DOCK6: variants seen among roughly 807,000 people sequenced by gnomAD.
DOCK6 encodes dedicator of cytokinesis 6, also known as dedicator of cytokinesis protein 6.
A neutral mutation model predicts 230.3 loss-of-function variants in DOCK6; 167 were observed. That is an observed-to-expected ratio of 0.73 (90% CI 0.64 to 0.82). The LOEUF is 0.82. Among genes scored for constraint, DOCK6 ranks in the 40% least tolerant of loss-of-function variants. The pLI, the probability that DOCK6 is intolerant of heterozygous loss-of-function variation, is 0.00. For missense variants in DOCK6, 2,598 were observed against 2,825.8 expected (o/e 0.92, Z 1.83); for synonymous variants, 1,148 against 1,185.0 (o/e 0.97, Z 0.64).
At chr19:11,207,178 C>T (rs529606613) in intron 39 of DOCK6, among the ~76,000 whole-genome samples, 7 of 152,030 alleles carry the variant, frequency 4.6e-5, no homozygotes, top group South Asian at 4.2e-4. Flanking sequence ...AAGATGCATG[C>T]GAATATCCCA....
At chr19:11,258,207 A>C (rs2080226956) in intron 1 of DOCK6, among the ~76,000 whole-genome samples, 1 of 152,170 alleles carries the variant, frequency 6.6e-6, no homozygotes, top group South Asian at 2.1e-4. Flanking sequence ...AGCCTTCCTG[A>C]CATGATGCTG....
rs1356355225 is a variant in DOCK6 at position 11,236,460 on chromosome 19, T to G, written c.2278A>C (p.Ser760Arg). The G allele has an allele frequency of 6.3e-7, 1 of 1,593,798 alleles. No homozygotes were observed. The highest frequency in any genetic ancestry group is 8.5e-7 in the Non-Finnish European group (1 of 1,171,024). ...CTGGCCAGGCGCAGTGCTGCAAGAC[T>G]GGCCCGCAGCTCCTGCTCCACGTTG... ...EGNVEQELRA[S>R]LAALRLASPE... is the part of the protein sequence containing the mutation. Residue 760 changes from serine (S) to arginine (R), a missense_variant, in exon 20 of 48, where the codon AGT becomes CGT. Coordinates refer to ENST00000294618, the MANE Select transcript of DOCK6 (RefSeq NM_020812.4). This position sits in a 1 kb window ranked among gnomAD's most constrained non-coding sequence, Gnocchi z 5.2.
chr19:11,213,316 G>C lies in DOCK6; in HGVS notation c.4351C>G (p.Leu1451Val). The C allele has an allele frequency of 6.2e-7, 1 of 1,611,408 alleles. No homozygotes were observed. Residue 1451 changes from leucine to valine, a missense_variant, in exon 35 of 48, where the codon CTG becomes GTG. Transcript: ENST00000294618. ...CACAGCTCCGTGTCCTCCTCGAACAGCAGCTCCGGGAACTGCCCCCAAGGA... is the reference window on the plus strand; with the variant it reads ...CACAGCTCCGTGTCCTCCTCGAACACCAGCTCCGGGAACTGCCCCCAAGGA... ...RALVSKFPEL[L>V]FEEDTELCAD...
intron 6 of DOCK6, among the ~76,000 whole-genome samples, chr19:11,249,267 C>T (rs1219519335): frequency 1.3e-5 from 2 of 152,114 alleles, no homozygotes; most frequent in Admixed American, 1.3e-4. Flanking sequence ...AATACCAGCA[C>T]TCTGGGAGGC....
intron 39 of DOCK6, among the ~76,000 whole-genome samples, chr19:11,205,533 C>T (rs774813962): frequency 3.3e-5 from 5 of 151,964 alleles, no homozygotes; most frequent in Admixed American, 6.6e-5. Context: ...TTAGTAGAGA[C>T]GGGGTTTCAC....
In DOCK6 at chr19:11,237,495, C is replaced by A; in HGVS notation, c.2034G>T (p.Val678=). 1 of 1,613,418 alleles carries A rather than the reference C, an allele frequency of 6.2e-7. No homozygotes were observed. Residue 678 remains valine (V), a synonymous_variant, in exon 18 of 48, where the codon GTG becomes GTT. Coordinates refer to ENST00000294618, the MANE Select transcript of DOCK6 (RefSeq NM_020812.4). The part of the protein sequence containing the change: ...RTGPFCLPVS[V]DQPPPSYSVL... ...CGGAATAGCTGGGCGGCGGCTGGTC[C>A]ACAGACACTGGGAGACAGAAGGGGC...
Position 11,245,696 on chromosome 19 carries a change from T to G in DOCK6, c.890A>C (p.Tyr297Ser). ...CATGGAGTCCGAGTTCAGGTCGAAG[T>G]AGAAGTTCTCCGAGATCTGGGGACA... ...REKKKISENFYFDLNSDSMKG... is the reference protein window; with the variant it reads ...REKKKISENFSFDLNSDSMKG... Residue 297 changes from tyrosine (Y) to serine (S), a missense_variant, in exon 9 of 48, where the codon TAC becomes TCC. Tyr to Ser is a moderately radical substitution (Grantham distance 144). Coordinates refer to ENST00000294618, the MANE Select transcript of DOCK6 (RefSeq NM_020812.4). 6.2e-7 allele frequency: 1 copy of G among 1,604,886 alleles called. No individual in the cohort carries two copies. Among genetic ancestry groups the G allele is most frequent in the Non-Finnish European group, 8.5e-7 (1 of 1,174,684 alleles).
rs150636189 is a variant in DOCK6 at position 11,243,718 on chromosome 19, G to T, written c.1105-8C>A. On this transcript the variant is annotated splice_polypyrimidine_tract_variant and splice_region_variant and intron_variant, in intron 10 of 47. Coordinates refer to ENST00000294618, the MANE Select transcript of DOCK6 (RefSeq NM_020812.4). This position sits in a 1 kb window ranked among gnomAD's most constrained non-coding sequence, Gnocchi z 6.3. ...CTCTAGCTTCTCTTTGTTCTGTGGG[G>T]AGACCCCGTCCCCTGCCAGCTCAGC... 35 of 1,613,850 alleles carry T rather than the reference G, an allele frequency of 2.2e-5. No individual in the cohort carries two copies. The African/African-American group carries it at 4.3e-4, about 20-fold the overall frequency.
intron 23 of DOCK6, 121 bp from the exon 24 acceptor site, chr19:11,227,598 A>C: frequency 2.4e-6 from 3 of 1,256,774 alleles, no homozygotes; most frequent in Non-Finnish European, 3.3e-6. Context: ...GTGGGGCTTG[A>C]AGGGCTGTGG....
chr19:11,223,182 T>C, intron 24 of DOCK6, 76 bp from the exon 25 acceptor site: 1 of 1,331,776 alleles, frequency 7.5e-7, no homozygotes, highest in Non-Finnish European at 1.1e-6. Flanking sequence ...ACCAAGATCA[T>C]CTGCCACCCC....
chr19:11,214,413 G>T lies in DOCK6; in HGVS notation c.4204-4C>A. ...GGGCTTCTGAAAGCATCACCGTCTGGAGGGAAGGGGGTCAGAAATCCAGGT... is the reference window on the plus strand; with the variant it reads ...GGGCTTCTGAAAGCATCACCGTCTGTAGGGAAGGGGGTCAGAAATCCAGGT... On this transcript the variant is annotated splice_region_variant and splice_polypyrimidine_tract_variant and intron_variant, in intron 33 of 47. Coordinates refer to ENST00000294618, the MANE Select transcript of DOCK6 (RefSeq NM_020812.4). 2 of 1,613,744 alleles carry T rather than the reference G, an allele frequency of 1.2e-6. No homozygotes were observed. Among genetic ancestry groups the T allele is most frequent in the South Asian group, 2.2e-5 (2 of 91,082 alleles).
At chr19:11,251,347 C>T (rs1377470221) in intron 5 of DOCK6, 1 of 456,538 alleles carries the variant, frequency 2.2e-6, no homozygotes, top group African/African-American at 1.9e-5. Flanking sequence ...CTTATCTGGT[C>T]AATCAAAACA....
At chr19:11,249,442 T>C (rs1766937717) in intron 6 of DOCK6, among the ~76,000 whole-genome samples, 1 of 148,850 alleles carries the variant, frequency 6.7e-6, no homozygotes, top group South Asian at 2.1e-4. Flanking sequence ...ACCTGGGAGG[T>C]GGAGGTTGCA....
At chr19:11,244,603 A>G (rs112942459) in intron 9 of DOCK6, among the ~76,000 whole-genome samples, 4,144 of 151,424 alleles carry the variant, frequency 0.027, 186 homozygotes, top group African/African-American at 0.094. Context: ...TGGGACTACA[A>G]GCGCCTGCTA....
Position 11,216,905 on chromosome 19 carries a change from C to A in DOCK6, c.3894+9G>T. The A allele has an allele frequency of 6.2e-7, 1 of 1,613,498 alleles. No individual in the cohort carries two copies. ...CCTCCTCCATCATCTCCTGCCCACG[C>A]CCTCAAACCTTGTACTCAAAGGCAG... On this transcript the variant is annotated intron_variant, in intron 30 of 47. Transcript: ENST00000294618.
intron 14 of DOCK6, chr19:11,240,228 C>T (rs760351239): frequency 6.9e-5 from 109 of 1,575,098 alleles, no homozygotes; most frequent in Non-Finnish European, 5.2e-6. Flanking sequence ...GGACAGCGTG[C>T]AGCGGCTAGA....
intron 14 of DOCK6, among the ~76,000 whole-genome samples, chr19:11,239,150 G>A (rs932318882): frequency 1.3e-5 from 2 of 152,036 alleles, no homozygotes; most frequent in African/African-American, 4.8e-5. Flanking sequence ...AGATCAGGCT[G>A]TGTGACCTTG....
intron 23 of DOCK6, 109 bp downstream of exon 23, chr19:11,228,831 G>A: frequency 6.7e-6 from 7 of 1,042,654 alleles, no homozygotes; most frequent in Non-Finnish European, 1.0e-5. Flanking sequence ...CAAAGTGTTG[G>A]GATTACAGGT....
chr19:11,217,431 G>C (rs1298190531), intron 28 of DOCK6, 40 bp from the exon 29 acceptor site: 2 of 1,591,702 alleles, frequency 1.3e-6, no homozygotes, highest in Non-Finnish European at 1.7e-6. Flanking sequence ...ATAAACCCTT[G>C]GTAAGTGCTG....
Sources: gnomAD v4.1 joint callset for allele counts (sites outside exome capture counted in the v4.1 genomes callset) on GRCh38, gnomAD v4.1.1 for gene constraint, Gnocchi (gnomAD v3.1) non-coding constraint, MANE v1.5 for transcripts, NCBI Gene and HGNC (gene_info 2026-07-23, HGNC 2026-07-21) for gene names.